Variants in HCRTR2 observed in about 807,000 individuals in gnomAD.
HCRTR2 encodes hypocretin receptor 2.
Under a neutral mutation model 49.0 loss-of-function variants are expected in HCRTR2, and 22 were observed. The observed-to-expected ratio is 0.45, with a 90% CI of 0.32 to 0.64. HCRTR2 has a LOEUF of 0.64. HCRTR2 is among the 30% of genes least tolerant of loss of function. The pLI is 0.04. For missense variants in HCRTR2, 491 were observed against 559.4 expected (o/e 0.88, Z 1.23); for synonymous variants, 236 against 205.3 (o/e 1.15, Z -1.28).
intron 1 of HCRTR2, chr6:55,240,947 C>CT (rs72298633): frequency 0.18 from 30,615 of 172,974 alleles, 3,029 homozygotes; most frequent in Non-Finnish European, 0.23. Flanking sequence ...TTTTATCCTT[C>CT]TTTTTTTTTG....
At chr6:55,176,786 A>G (rs1362218213) in intron 1 of HCRTR2, among the ~76,000 whole-genome samples, 2 of 152,174 alleles carry the variant, frequency 1.3e-5, no homozygotes, top group Non-Finnish European at 2.9e-5. Context: ...CTGCAAGTTT[A>G]TTAGATGTGT....
intron 1 of HCRTR2, among the ~76,000 whole-genome samples, chr6:55,227,418 A>G (rs1304854508): frequency 6.6e-6 from 1 of 152,094 alleles, no homozygotes; most frequent in Non-Finnish European, 1.5e-5. Context: ...TCTTTTCCCT[A>G]TCCCTCGAAT....
rs200969438 is a variant in HCRTR2, at chr6:55,174,628, A to G, written c.41A>G (p.Asn14Ser). The G allele has an allele frequency of 1.2e-5, 19 of 1,614,046 alleles. No homozygotes were observed. The East Asian group carries it at 4.0e-4, about 34-fold the overall frequency. ...TTGGAGGACTCCCCCCCTTGTCGCA[A>G]CTGGTCATCTGCTTCGGAGCTGAAT... ...TKLEDSPPCR[N>S]WSSASELNET... Residue 14 changes from asparagine (N) to serine (S), a missense_variant, in exon 1 of 7, where the codon AAC (asparagine) becomes AGC (serine). Transcript: ENST00000370862.
At chr6:55,187,117 G>T (rs1191217260) in intron 1 of HCRTR2, among the ~76,000 whole-genome samples, 7 of 151,756 alleles carry the variant, frequency 4.6e-5, no homozygotes, top group Non-Finnish European at 7.4e-5. Context: ...AGAGAAAGAA[G>T]ACATTGGGGC....
intron 1 of HCRTR2, among the ~76,000 whole-genome samples, chr6:55,230,067 C>T (rs540330807): frequency 7.7e-4 from 117 of 152,258 alleles, no homozygotes; most frequent in Non-Finnish European, 1.3e-3. Context: ...TCTGACTGGT[C>T]AGGCACCAAC....
chr6:55,140,060 T>C (rs898017236), intron 1 of HCRTR2, among the ~76,000 whole-genome samples: 1 of 152,200 alleles, frequency 6.6e-6, no homozygotes, highest in Non-Finnish European at 1.5e-5. Context: ...AACACACCCA[T>C]GCATAGTGGA....
intron 1 of HCRTR2, among the ~76,000 whole-genome samples, chr6:55,221,610 G>A (rs183915262): frequency 1.5e-4 from 23 of 152,024 alleles, no homozygotes; most frequent in East Asian, 3.9e-4. Flanking sequence ...TCAGAAGATC[G>A]AGACCATCCT....
At chr6:55,215,310 C>A (rs1046670804) in intron 1 of HCRTR2, among the ~76,000 whole-genome samples, 13 of 151,940 alleles carry the variant, frequency 8.6e-5, no homozygotes, top group African/African-American at 3.1e-4. Context: ...AGTCTGCCAA[C>A]AAAAAATCCT....
rs200587351 is a variant in HCRTR2, at chr6:55,192,417, A to G, written c.223+17607A>G. ...CACACACACACGCGCGCGCGCGCAC[A>G]CACACACACACACACACACACAAAT... On this transcript the variant is annotated intron_variant, in intron 1 of 6. Coordinates refer to ENST00000370862, the MANE Select transcript of HCRTR2 (RefSeq NM_001384272.1). 7.1e-3 allele frequency among the ~76,000 whole-genome samples: 798 copies of G among 112,222 alleles called. 7 individuals carry two copies. Among genetic ancestry groups the G allele is most frequent in the African/African-American group, 0.024 (712 of 30,222 alleles). The allele number at this position is 112,222 out of a possible 152,430, so 73.6% of individuals were successfully genotyped here.
chr6:55,273,831 AG>A, intron 4 of HCRTR2, among the ~76,000 whole-genome samples: 1 of 151,944 alleles, frequency 6.6e-6, no homozygotes, highest in Non-Finnish European at 1.5e-5. Context: ...TCCCTTGCCC[AG>A]GTACTTTTTA....
At chr6:55,160,488 A>G (rs1469452686) in intron 1 of HCRTR2, among the ~76,000 whole-genome samples, 1 of 152,232 alleles carries the variant, frequency 6.6e-6, no homozygotes, top group African/African-American at 2.4e-5. Context: ...ACATAACGAT[A>G]TTAACCTTAA....
At chr6:55,207,344 A>AT (rs899664873) in intron 1 of HCRTR2, among the ~76,000 whole-genome samples, 7 of 151,868 alleles carry the variant, frequency 4.6e-5, no homozygotes, top group Admixed American at 1.3e-4. Context: ...GTAGAACAGA[A>AT]TTTTTTTTGC....
At chr6:55,280,616 C>A in intron 6 of HCRTR2, 172 bp downstream of exon 6, 1 of 299,842 alleles carries the variant, frequency 3.3e-6, no homozygotes, top group Non-Finnish European at 4.9e-6. Flanking sequence ...TTACTGAACT[C>A]ATCAGAGAAA....
chr6:55,127,449 G>A (rs1044011562), intron 1 of HCRTR2, among the ~76,000 whole-genome samples: 1 of 152,168 alleles, frequency 6.6e-6, no homozygotes, highest in Non-Finnish European at 1.5e-5. Flanking sequence ...AGCTGGAAAT[G>A]CAGAAATCAT....
intron 1 of HCRTR2, among the ~76,000 whole-genome samples, chr6:55,236,585 C>T (rs1766218833): frequency 6.6e-6 from 1 of 152,082 alleles, no homozygotes; most frequent in Non-Finnish European, 1.5e-5. Flanking sequence ...AGACTTTGTG[C>T]ACTTACTCCT....
chr6:55,187,511 C>T (rs1033120997), intron 1 of HCRTR2, among the ~76,000 whole-genome samples: 1 of 149,508 alleles, frequency 6.7e-6, no homozygotes, highest in African/African-American at 2.5e-5. Flanking sequence ...ACAACTGAAC[C>T]AAATTTATTA....
At chr6:55,183,968 C>T (rs545835464) in intron 1 of HCRTR2, among the ~76,000 whole-genome samples, 2 of 152,066 alleles carry the variant, frequency 1.3e-5, no homozygotes, top group South Asian at 2.1e-4. Context: ...CACTCTGTTG[C>T]CCAGGCTGGA....
Position 55,174,738 on chromosome 6 carries a change from A to G in HCRTR2, c.151A>G (p.Lys51Glu). Residue 51 changes from lysine to glutamate, a missense_variant, in exon 1 of 7, where the codon AAA (lysine) becomes GAA (glutamate). Transcript: ENST00000370862. ...RYLWREYLHP[K>E]EYEWVLIAGY... ...CCTGTGGAGGGAATACCTGCACCCG[A>G]AAGAATATGAGTGGGTCCTGATCGC... The G allele has an allele frequency of 6.2e-7, 1 of 1,614,018 alleles. No individual in the cohort carries two copies. Among genetic ancestry groups the G allele is most frequent in the Non-Finnish European group, 8.5e-7 (1 of 1,180,000 alleles).
intron 1 of HCRTR2, among the ~76,000 whole-genome samples, chr6:55,113,523 G>GA (rs1302649553): frequency 1.3e-5 from 2 of 151,760 alleles, no homozygotes; most frequent in African/African-American, 2.4e-5. Context: ...ATAAACATTT[G>GA]AAAAAATGCT....
Sources: gnomAD v4.1 joint callset for allele counts (sites outside exome capture counted in the v4.1 genomes callset) on GRCh38, gnomAD v4.1.1 for gene constraint, MANE v1.5 for transcripts, NCBI Gene and HGNC (gene_info 2026-07-23, HGNC 2026-07-21) for gene names.